The following CMIP variants were observed in gnomAD, a reference collection of about 807,000 sequenced individuals.
The protein encoded by CMIP is C-Maf-inducing protein.
In CMIP, 13 loss-of-function variants were observed where a neutral mutation model predicts 97.3. The ratio of observed to expected loss-of-function variants is 0.13; its 90% CI spans 0.09 to 0.21. The LOEUF (loss-of-function observed/expected upper bound fraction) is 0.21, where lower values mean the gene tolerates loss of function less well. Ranked by LOEUF, CMIP falls within the 10% of genes least tolerant of loss-of-function variation. The pLI is 1.00. For synonymous variants in CMIP, 538 were observed against 436.3 expected (o/e 1.23, Z -2.91); for missense variants, 847 against 1,024.9 (o/e 0.83, Z 2.37).
chr16:81,496,813 G>A (rs556207374), intron 1 of CMIP, among the ~76,000 whole-genome samples: 14 of 152,376 alleles, frequency 9.2e-5, no homozygotes, highest in Admixed American at 3.3e-4. Flanking sequence ...AATGAGCAGA[G>A]TCTTACATTC....
chr16:81,509,075 A>G (rs2089763037), intron 1 of CMIP, among the ~76,000 whole-genome samples: 2 of 152,106 alleles, frequency 1.3e-5, no homozygotes, highest in African/African-American at 4.8e-5. Flanking sequence ...TATTTTTTTC[A>G]AATAAAGATC....
At chr16:81,632,131 A>T (rs2092170058) in intron 3 of CMIP, 1 of 152,190 alleles carries the variant, frequency 6.6e-6, no homozygotes, top group Admixed American at 6.5e-5. Context: ...CACCTGAGTA[A>T]CCACCACCTG....
intron 1 of CMIP, among the ~76,000 whole-genome samples, chr16:81,473,695 T>C (rs1907700200): frequency 6.6e-6 from 1 of 152,108 alleles, no homozygotes; most frequent in African/African-American, 2.4e-5. Flanking sequence ...CCTGTAGGAC[T>C]TGGGCCTGCC....
At chr16:81,639,519 G>C (rs979725606) in intron 3 of CMIP, among the ~76,000 whole-genome samples, 5 of 152,204 alleles carry the variant, frequency 3.3e-5, no homozygotes, top group African/African-American at 1.2e-4. Flanking sequence ...GCCTTTTGTG[G>C]CTGCCTTATC....
In CMIP at chr16:81,607,629, C is replaced by G. The variant is rs1274470672; in HGVS notation, c.363C>G (p.Ser121=). 1.2e-6 allele frequency: 2 copies of G among 1,613,922 alleles called. No individual in the cohort carries two copies. Among genetic ancestry groups the G allele is most frequent in the African/African-American group, 1.3e-5 (1 of 74,946 alleles). ...YSAIEDVQLL[S]WENAPKYCLQ... ...CAATTGAAGACGTTCAGCTGCTGTC[C>G]TGGGAGAATGCCCCGAAGTACTGTT... Residue 121 remains serine, a synonymous_variant, in exon 2 of 21, where the codon TCC becomes TCG. Coordinates refer to ENST00000537098, the MANE Select transcript of CMIP (RefSeq NM_198390.3).
At position 81,693,162 on chromosome 16, in the gene CMIP, C is replaced by G. The variant is rs1906296945; in HGVS notation, c.1459C>G (p.Leu487Val). ...TTTCCCCTGTTTTTGTTGCAGAGCT[C>G]TCGCACATGAGAAGTTCACCAAGTG... The part of the protein sequence containing the change: ...LQPIPFPKEA[L>V]AHEKFTKELK... The change falls in exon 12 of 21, where the codon CTC (leucine) becomes GTC (valine). Residue 487 changes from leucine to valine, a missense_variant. Coordinates refer to ENST00000537098, the MANE Select transcript of CMIP (RefSeq NM_198390.3). 2.5e-6 allele frequency: 4 copies of G among 1,613,206 alleles called. No individual in the cohort carries two copies. Among genetic ancestry groups the G allele is most frequent in the South Asian group, 1.1e-5 (1 of 90,982 alleles).
At chr16:81,699,606 T>G in intron 14 of CMIP, 79 bp from the exon 15 acceptor site, 1 of 894,630 alleles carries the variant, frequency 1.1e-6, no homozygotes, top group Non-Finnish European at 1.8e-6. Flanking sequence ...CAACGGCTCT[T>G]GGGCTCACTT....
chr16:81,693,076 T>C, intron 11 of CMIP, 82 bp from the exon 12 acceptor site: 1 of 992,278 alleles, frequency 1.0e-6, no homozygotes, highest in African/African-American at 1.6e-5. Flanking sequence ...AGTCTAGACG[T>C]CCCCAGAGGT....
chr16:81,528,429 G>A (rs1201786308), intron 1 of CMIP, among the ~76,000 whole-genome samples: 1 of 152,206 alleles, frequency 6.6e-6, no homozygotes, highest in East Asian at 1.9e-4. Context: ...GAGGTTGGGA[G>A]TACCTTGAAG....
intron 2 of CMIP, among the ~76,000 whole-genome samples, chr16:81,615,280 TG>T (rs1267134381): frequency 1.4e-4 from 14 of 99,146 alleles, no homozygotes; most frequent in South Asian, 3.9e-4. Context: ...GGTATGTGGC[TG>T]TGTGGTGTGT....
intron 1 of CMIP, among the ~76,000 whole-genome samples, chr16:81,551,149 ACAC>A (rs1416770907): frequency 5.0e-5 from 7 of 140,520 alleles, no homozygotes; most frequent in Non-Finnish European, 1.1e-4. Context: ...TCCATCACAC[ACAC>A]CCCAGTTCCA....
chr16:81,502,160 G>C (rs932815021), intron 1 of CMIP, among the ~76,000 whole-genome samples: 1 of 152,198 alleles, frequency 6.6e-6, no homozygotes, highest in Non-Finnish European at 1.5e-5. Context: ...CCAGCTGCTA[G>C]GAGGCAGGGC....
intron 8 of CMIP, among the ~76,000 whole-genome samples, chr16:81,671,200 G>A (rs566500596): frequency 6.6e-6 from 1 of 152,144 alleles, no homozygotes; most frequent in Non-Finnish European, 1.5e-5. Flanking sequence ...TCCTAAATAT[G>A]CCCACTTGGA....
chr16:81,562,078 G>A (rs1342168647), intron 1 of CMIP, among the ~76,000 whole-genome samples: 2 of 152,240 alleles, frequency 1.3e-5, no homozygotes, highest in African/African-American at 2.4e-5. Flanking sequence ...ATGTAAATGT[G>A]CAAGGAAGGG....
chr16:81,702,484 CT>C, intron 16 of CMIP, 137 bp from the exon 17 acceptor site: 1 of 870,762 alleles, frequency 1.1e-6, no homozygotes. Context: ...GGGTTTGCCC[CT>C]GAGACCAAGA....
intron 9 of CMIP, among the ~76,000 whole-genome samples, chr16:81,672,680 G>A (rs778816154): frequency 3.3e-5 from 5 of 152,080 alleles, no homozygotes; most frequent in African/African-American, 4.8e-5. Flanking sequence ...GGCTCAAGCC[G>A]TCCTCCCACC....
In CMIP at chr16:81,445,202, C is replaced by CCCCCTCT. The variant is rs1266424137; in HGVS notation, c.-35_-29dup. ...CCGCCGCCCCAGCAGCCCAGGACAG[C>CCCCCTCT]CCCCTCTCCCCGCCCCCAGCCCCCT... On this transcript the variant is annotated 5_prime_UTR_variant, in exon 1 of 21. Transcript: ENST00000537098. 1 of 1,388,890 alleles carries CCCCCTCT rather than the reference C, an allele frequency of 7.2e-7. No homozygotes were observed. The highest frequency in any genetic ancestry group is 1.5e-5 in the African/African-American group (1 of 67,938). 86.0% of individuals were successfully genotyped at this position (1,388,890 alleles called of 1,614,324 possible).
chr16:81,476,548 C>T (rs927046698), intron 1 of CMIP: 2 of 608,210 alleles, frequency 3.3e-6, no homozygotes, highest in African/African-American at 3.7e-5. Flanking sequence ...CCCGACGGCG[C>T]CGGTGTCTGC....
intron 2 of CMIP, 47 bp from the exon 3 acceptor site, chr16:81,620,829 C>T (rs1166553252): frequency 1.9e-6 from 3 of 1,611,104 alleles, no homozygotes; most frequent in East Asian, 4.5e-5. Context: ...CCCTGAGATG[C>T]CGCAAGCTGA....
Sources: gnomAD v4.1 joint callset for allele counts (sites outside exome capture counted in the v4.1 genomes callset) on GRCh38, gnomAD v4.1.1 for gene constraint, MANE v1.5 for transcripts, NCBI Gene and HGNC (gene_info 2026-07-23, HGNC 2026-07-21) for gene names.